The following NUP210L variants were observed in gnomAD, a reference collection of about 807,000 sequenced individuals.
NUP210L encodes the protein nucleoporin 210 like.
Under a neutral mutation model 208.5 loss-of-function variants are expected in NUP210L, and 74 were observed. The observed-to-expected ratio is 0.35, with a 90% CI of 0.29 to 0.43. The LOEUF (loss-of-function observed/expected upper bound fraction) is 0.43, where lower values mean the gene tolerates loss of function less well. Among genes scored for constraint, NUP210L ranks in the 20% least tolerant of loss-of-function variants. NUP210L has a pLI of 1.00. For synonymous variants in NUP210L, 780 were observed against 816.9 expected, an observed-to-expected ratio of 0.95 and a Z score of 0.77; for missense variants, 1,843 against 2,289.4, an observed-to-expected ratio of 0.81 and a Z score of 3.98.
chr1:154,113,612 C>A (rs1034723225), intron 12 of NUP210L, among the ~76,000 whole-genome samples: 1 of 152,106 alleles, frequency 6.6e-6, no homozygotes, highest in Non-Finnish European at 1.5e-5. Flanking sequence ...GTAATCCCAG[C>A]ATTTTGGGAG....
intron 17 of NUP210L, among the ~76,000 whole-genome samples, chr1:154,066,586 G>A (rs994284781): frequency 3.9e-5 from 6 of 152,180 alleles, no homozygotes; most frequent in Non-Finnish European, 5.9e-5. Flanking sequence ...ACTCCGGCTT[G>A]GGCGAAAGAG....
intron 2 of NUP210L, among the ~76,000 whole-genome samples, chr1:154,145,714 G>C (rs1659081318): frequency 6.6e-6 from 1 of 152,130 alleles, no homozygotes; most frequent in South Asian, 2.1e-4. Flanking sequence ...AAACCCTAAG[G>C]TGCAAGATTA....
chr1:154,018,311 C>T (rs2147922007), intron 33 of NUP210L, among the ~76,000 whole-genome samples: 1 of 152,080 alleles, frequency 6.6e-6, no homozygotes, highest in African/African-American at 2.4e-5. Context: ...GATCTAATGG[C>T]CTTAAATATC....
chr1:154,153,373 G>A (rs574610594), intron 1 of NUP210L, among the ~76,000 whole-genome samples: 2 of 152,140 alleles, frequency 1.3e-5, no homozygotes, highest in Non-Finnish European at 2.9e-5. Context: ...GCAGCAGGGC[G>A]ATCTCAGCTC....
At chr1:154,123,015 C>A (rs1165030204) in intron 10 of NUP210L, among the ~76,000 whole-genome samples, 3 of 134,074 alleles carry the variant, frequency 2.2e-5, no homozygotes, top group African/African-American at 8.7e-5. Context: ...GGTGCCACTG[C>A]AATCCACCCT....
intron 29 of NUP210L, among the ~76,000 whole-genome samples, chr1:154,026,863 G>A (rs886521276): frequency 3.5e-4 from 53 of 151,652 alleles, no homozygotes; most frequent in African/African-American, 1.1e-3. Context: ...CGGGAGGATC[G>A]CCTGAGGTCA....
intron 17 of NUP210L, among the ~76,000 whole-genome samples, chr1:154,067,308 T>C (rs1174962912): frequency 1.3e-5 from 2 of 152,074 alleles, no homozygotes; most frequent in East Asian, 3.8e-4. Flanking sequence ...TCAATAAACA[T>C]AATCCATCAC....
intron 12 of NUP210L, among the ~76,000 whole-genome samples, chr1:154,115,229 T>C (rs575917343): frequency 5.9e-5 from 9 of 152,286 alleles, no homozygotes; most frequent in African/African-American, 2.2e-4. Flanking sequence ...TACCATACCA[T>C]TGACCTGTTA....
intron 34 of NUP210L, among the ~76,000 whole-genome samples, chr1:154,011,224 T>C (rs914122095): frequency 5.3e-5 from 7 of 132,486 alleles, no homozygotes; most frequent in Non-Finnish European, 1.1e-4. Flanking sequence ...GGTGGCTAGA[T>C]TTTTTTTTTT....
chr1:154,099,058 C>T lies in NUP210L; in HGVS notation c.1965+940G>A, dbSNP rs368880010. On this transcript the variant is annotated intron_variant, in intron 14 of 39. Coordinates refer to ENST00000368559, the Ensembl canonical transcript of NUP210L. ...GATTGTGACAGCGCCCAGGATTGGC[C>T]CAACTTTGTTCTGAGATTGGAGTTG... is the stretch of plus-strand genomic sequence containing the variant. Among the ~76,000 whole-genome samples the T allele has an allele frequency of 1.8e-3, 267 of 152,246 alleles. 1 individual carries two copies. Among genetic ancestry groups the T allele is most frequent in the African/African-American group, 6.3e-3 (261 of 41,558 alleles).
chr1:154,062,119 C>G (rs769636088), intron 17 of NUP210L, among the ~76,000 whole-genome samples: 144 of 152,250 alleles, frequency 9.5e-4, no homozygotes, highest in Non-Finnish European at 1.6e-3. Context: ...AGCCACCACG[C>G]CCGGCCTGAA....
At chr1:153,996,725 C>G (rs1649890015) in intron 37 of NUP210L, among the ~76,000 whole-genome samples, 1 of 151,688 alleles carries the variant, frequency 6.6e-6, no homozygotes, top group African/African-American at 2.4e-5. Context: ...CCAGCCAAAA[C>G]TTTTTTTTAA....
intron 10 of NUP210L, among the ~76,000 whole-genome samples, chr1:154,124,354 G>A (rs971274816): frequency 1.3e-5 from 2 of 152,186 alleles, no homozygotes; most frequent in South Asian, 2.1e-4. Context: ...TCTAAACTGA[G>A]TGAAAGGAGC....
At chr1:154,070,221 CAAACAAAA>C in intron 17 of NUP210L, 44 bp downstream of exon 17, 1 of 1,408,912 alleles carries the variant, frequency 7.1e-7, no homozygotes, top group Non-Finnish European at 9.6e-7. Context: ...ACAAAACAAA[CAAACAAAA>C]AAACACTCAG....
At chr1:154,028,786 T>G (rs1652048628) in intron 28 of NUP210L, among the ~76,000 whole-genome samples, 1 of 151,934 alleles carries the variant, frequency 6.6e-6, no homozygotes, top group African/African-American at 2.4e-5. Context: ...GTACTAATAG[T>G]TTCTAATGTT....
Position 154,121,409 on chromosome 1 carries a change from A to G in NUP210L, c.1327-2601T>C, listed in dbSNP as rs139691831. 3.8e-4 allele frequency among the ~76,000 whole-genome samples: 58 copies of G among 152,278 alleles called. No homozygotes were observed. The East Asian group carries it at 8.7e-3, about 23-fold the overall frequency. On this transcript the variant is annotated intron_variant, in intron 10 of 39. Transcript: ENST00000368559. ...TAACTAGACTAAAAGATGGCCCCCA[A>G]AGATTTCTGACTCCTGGTATTCACC...
chr1:154,144,969 A>G (rs1659045091), intron 2 of NUP210L, among the ~76,000 whole-genome samples: 2 of 151,542 alleles, frequency 1.3e-5, no homozygotes, highest in Non-Finnish European at 1.5e-5. Flanking sequence ...TTAGCCGGGC[A>G]TGGTGGTGCA....
At chr1:154,001,261 G>A (rs1393124065) in intron 36 of NUP210L, among the ~76,000 whole-genome samples, 7 of 152,224 alleles carry the variant, frequency 4.6e-5, no homozygotes, top group East Asian at 3.9e-4. Context: ...GCAGTGGCGC[G>A]ATCTCAGCTC....
intron 2 of NUP210L, among the ~76,000 whole-genome samples, chr1:154,150,329 A>G (rs1659318593): frequency 6.6e-6 from 1 of 151,440 alleles, no homozygotes; most frequent in Non-Finnish European, 1.5e-5. Flanking sequence ...AGTGGAGATC[A>G]CGTCATTGCA....
Sources: gnomAD v4.1 joint callset for allele counts (sites outside exome capture counted in the v4.1 genomes callset) on GRCh38, gnomAD v4.1.1 for gene constraint, MANE v1.5 for transcripts, NCBI Gene and HGNC (gene_info 2026-07-23, HGNC 2026-07-21) for gene names.